Variants in ADGRG5 observed in about 807,000 individuals in gnomAD.
ADGRG5 encodes the protein adhesion G protein-coupled receptor G5.
In ADGRG5, 37 loss-of-function variants were observed where a neutral mutation model predicts 53.2. The observed-to-expected ratio is 0.70, with a 90% CI of 0.53 to 0.91. The LOEUF is 0.91. Ranked by LOEUF, ADGRG5 falls within the 40% of genes least tolerant of loss-of-function variation. ADGRG5 has a pLI of 0.00. For missense variants in ADGRG5, 614 were observed against 675.8 expected, an observed-to-expected ratio of 0.91 and a Z score of 1.01; for synonymous variants, 277 against 290.4, an observed-to-expected ratio of 0.95 and a Z score of 0.47.
upstream of ADGRG5, among the ~76,000 whole-genome samples, chr16:57,537,715 G>C (rs1172622507): frequency 1.3e-5 from 2 of 152,120 alleles, no homozygotes; most frequent in Admixed American, 6.5e-5. Context: ...TGTGGGCAGC[G>C]GCTGTTCCAT....
rs2033019862 is a variant in ADGRG5 at position 57,562,177 on chromosome 16, C to T, written c.64+20C>T. 2 of 1,587,038 alleles carry T rather than the reference C, an allele frequency of 1.3e-6. No homozygotes were observed. The highest frequency in any genetic ancestry group is 1.8e-5 in the Admixed American group (1 of 57,076). ...CAACAGGTAAGGGGGCTCTGCTGAACTGGGGGCAGCCCTAGCCCAGTCGTG... is the reference window on the plus strand; with the variant it reads ...CAACAGGTAAGGGGGCTCTGCTGAATTGGGGGCAGCCCTAGCCCAGTCGTG... On this transcript the variant is annotated intron_variant, in intron 2 of 11. Transcript: ENST00000349457.
chr16:57,536,993 G>A, the ADGRG5 span, among the ~76,000 whole-genome samples: 1 of 152,182 alleles, frequency 6.6e-6, no homozygotes, highest in Non-Finnish European at 1.5e-5. Context: ...CTGCCACCGA[G>A]TGGAAGTGGG....
intron 1 of ADGRG5, among the ~76,000 whole-genome samples, chr16:57,544,986 C>G (rs564852072): frequency 6.6e-6 from 1 of 152,056 alleles, no homozygotes; most frequent in Admixed American, 6.5e-5. Context: ...CTATGTTACT[C>G]TGGCTGGTCT....
the ADGRG5 span, chr16:57,529,252 C>T: frequency 2.7e-6 from 3 of 1,125,046 alleles, no homozygotes; most frequent in Non-Finnish European, 2.2e-6. This position sits in a 1 kb window ranked among gnomAD's most constrained non-coding sequence, Gnocchi z 4.1. Flanking sequence ...GCGGCGGGCG[C>T]GATACAACTG....
chr16:57,543,362 A>T (rs1422607603), intron 1 of ADGRG5, among the ~76,000 whole-genome samples: 2 of 136,092 alleles, frequency 1.5e-5, no homozygotes, highest in East Asian at 4.4e-4. Context: ...GGCTCACTGC[A>T]ACCTCCACCT....
upstream of ADGRG5, among the ~76,000 whole-genome samples, chr16:57,541,372 T>C (rs1382767485): frequency 6.6e-6 from 1 of 152,218 alleles, no homozygotes; most frequent in African/African-American, 2.4e-5. Flanking sequence ...GGTCAAGGTC[T>C]GGATCCTGAT....
At chr16:57,543,528 C>T (rs2032540946) in intron 1 of ADGRG5, among the ~76,000 whole-genome samples, 1 of 152,154 alleles carries the variant, frequency 6.6e-6, no homozygotes, top group African/African-American at 2.4e-5. Flanking sequence ...GGTGATCCAC[C>T]TGCCTTGGCC....
intron 10 of ADGRG5, among the ~76,000 whole-genome samples, chr16:57,571,938 C>A (rs982525397): frequency 1.3e-5 from 2 of 151,930 alleles, no homozygotes; most frequent in African/African-American, 4.8e-5. Flanking sequence ...ACACTATGCC[C>A]AGCCTATTTT....
chr16:57,552,038 T>G (rs1344500872), intron 1 of ADGRG5, among the ~76,000 whole-genome samples: 1 of 152,142 alleles, frequency 6.6e-6, no homozygotes, highest in Non-Finnish European at 1.5e-5. Context: ...CTTTTTTTTT[T>G]TTTGAGTAGT....
At chr16:57,555,145 G>A (rs75670220) in intron 1 of ADGRG5, among the ~76,000 whole-genome samples, 4,605 of 152,180 alleles carry the variant, frequency 0.03, 180 homozygotes, top group East Asian at 0.19. Context: ...TGTATTTTGC[G>A]TAATTAGGAG....
chr16:57,557,421 A>T (rs1276023338), intron 1 of ADGRG5, among the ~76,000 whole-genome samples: 1 of 152,128 alleles, frequency 6.6e-6, no homozygotes, highest in Admixed American at 6.6e-5. Context: ...TTTGACTAGG[A>T]TGTATCTAGA....
chr16:57,568,175 A>G (rs1184680836), intron 9 of ADGRG5, 51 bp downstream of exon 9: 3 of 1,587,310 alleles, frequency 1.9e-6, no homozygotes, highest in Non-Finnish European at 2.6e-6. Flanking sequence ...TGGGCAGGGT[A>G]TTGATCCCCT....
At chr16:57,531,686 C>A in the ADGRG5 span, among the ~76,000 whole-genome samples, 1 of 152,176 alleles carries the variant, frequency 6.6e-6, no homozygotes, top group East Asian at 1.9e-4. Context: ...GCAGGAGCCG[C>A]AAGCCACTGA....
chr16:57,546,852 G>A lies in ADGRG5; in HGVS notation c.-39+4151G>A, dbSNP rs551527940. ...TCCCACCTCAGCCTCCCAAGTAGCT[G>A]GGACTACAGGTGTGCGCCACCATGC... On this transcript the variant is annotated intron_variant, in intron 1 of 11. Coordinates refer to ENST00000349457, the MANE Select transcript of ADGRG5 (RefSeq NM_001304376.3). Among the ~76,000 whole-genome samples, 4 of 152,226 alleles carry A rather than the reference G, an allele frequency of 2.6e-5. No individual in the cohort carries two copies. In the South Asian group the frequency reaches 8.3e-4, roughly 32 times the overall value.
At chr16:57,544,425 G>A (rs1183772649) in intron 1 of ADGRG5, among the ~76,000 whole-genome samples, 1 of 152,124 alleles carries the variant, frequency 6.6e-6, no homozygotes, top group Non-Finnish European at 1.5e-5. Flanking sequence ...AGTGAAGACT[G>A]TGGTTTGCTC....
At chr16:57,571,019 G>T (rs2033338633) in intron 10 of ADGRG5, among the ~76,000 whole-genome samples, 2 of 152,194 alleles carry the variant, frequency 1.3e-5, no homozygotes, top group African/African-American at 4.8e-5. Context: ...AGGCAGCGAG[G>T]TGGGCCTTTA....
the ADGRG5 span, among the ~76,000 whole-genome samples, chr16:57,529,570 C>T: frequency 1.3e-5 from 2 of 152,224 alleles, no homozygotes; most frequent in Non-Finnish European, 2.9e-5. The surrounding 1 kb of genome is among the most constrained non-coding windows in gnomAD (Gnocchi z 4.1). Context: ...GTTCTTTATT[C>T]TCCCGGTCCC....
intron 1 of ADGRG5, among the ~76,000 whole-genome samples, chr16:57,558,913 C>T (rs537015617): frequency 2.7e-5 from 4 of 150,520 alleles, no homozygotes; most frequent in East Asian, 2.0e-4. Flanking sequence ...GGTGCTATCA[C>T]GGCTCACTGC....
At chr16:57,573,985 G>T (rs1449108301) in intron 10 of ADGRG5, among the ~76,000 whole-genome samples, 2 of 152,160 alleles carry the variant, frequency 1.3e-5, no homozygotes, top group Non-Finnish European at 2.9e-5. Flanking sequence ...GCCTCCCAAA[G>T]TGCTGAGATT....
Sources: allele counts gnomAD v4.1 joint callset (sites outside exome capture counted in the v4.1 genomes callset), GRCh38; gene constraint gnomAD v4.1.1; non-coding constraint Gnocchi (gnomAD v3.1); transcripts MANE v1.5; gene names NCBI Gene and HGNC (gene_info 2026-07-23, HGNC 2026-07-21).